Variants in DNAJB11 observed in about 807,000 individuals in gnomAD.
DNAJB11 encodes DnaJ heat shock protein family (Hsp40) member B11.
Under a neutral mutation model 47.2 loss-of-function variants are expected in DNAJB11, and 30 were observed. The ratio of observed to expected loss-of-function variants is 0.64; its 90% confidence interval spans 0.48 to 0.86. The LOEUF (loss-of-function observed/expected upper bound fraction) is 0.86, where lower values mean the gene tolerates loss of function less well. DNAJB11 is among the 40% of genes least tolerant of loss of function. The pLI, the probability that DNAJB11 is intolerant of heterozygous loss-of-function variation, is 0.00. For synonymous variants in DNAJB11, 151 were observed against 159.9 expected, an observed-to-expected ratio of 0.94 and a Z score of 0.42; for missense variants, 357 against 440.2, an observed-to-expected ratio of 0.81 and a Z score of 1.69.
At chr3:186,578,791 T>A (rs1715385697) in intron 4 of DNAJB11, 1 of 152,398 alleles carries the variant, frequency 6.6e-6, no homozygotes. Context: ...GCTATCTGTT[T>A]GTAACTTGTC....
At chr3:186,580,297 C>T (rs1715440468) in intron 4 of DNAJB11, 1 of 152,072 alleles carries the variant, frequency 6.6e-6, no homozygotes, top group Admixed American at 6.5e-5. Flanking sequence ...TGTTTTCAAT[C>T]CTGCTCCTTC....
chr3:186,584,550 G>A lies in DNAJB11; in HGVS notation c.973G>A (p.Asp325Asn). 2 of 1,597,306 alleles carry A rather than the reference G, an allele frequency of 1.3e-6. No homozygotes were observed. Among genetic ancestry groups the A allele is most frequent in the Non-Finnish European group, 1.7e-6 (2 of 1,174,702 alleles). The change falls in exon 9 of 10, where the codon GAT becomes AAT. Residue 325 changes from aspartate (D) to asparagine (N), a missense_variant. Asp to Asn is a conservative substitution (Grantham distance 23). Coordinates refer to ENST00000265028, the MANE Select transcript of DNAJB11 (RefSeq NM_016306.6). Reference sequence around the variant, plus strand: ...CTCTTTGATAATCACTTTTGATGTGGATTTTCCAAAAGAACAGTTAACAGA... The same window carrying A: ...CTCTTTGATAATCACTTTTGATGTGAATTTTCCAAAAGAACAGTTAACAGA... ...KGSLIITFDV[D>N]FPKEQLTEEA...
intron 1 of DNAJB11, 72 bp downstream of exon 1, chr3:186,571,037 G>GGGGGGGGGGGC: frequency 2.1e-6 from 2 of 940,408 alleles, no homozygotes; most frequent in Non-Finnish European, 1.6e-6. Flanking sequence ...GGGGGTGGGG[G>GGGGGGGGGGGC]AAGTGGCATT....
intron 3 of DNAJB11, 85 bp from the exon 4 acceptor site, chr3:186,577,583 T>G (rs1435878609): frequency 7.8e-6 from 10 of 1,288,794 alleles, no homozygotes; most frequent in Non-Finnish European, 1.1e-5. Flanking sequence ...AACAATAGTT[T>G]ATCAACGTAA....
At chr3:186,575,354 T>TGCGCGCGC (rs368559871) in intron 2 of DNAJB11, among the ~76,000 whole-genome samples, 1 of 129,440 alleles carries the variant, frequency 7.7e-6, no homozygotes, top group African/African-American at 3.0e-5. Flanking sequence ...TCCTAATACA[T>TGCGCGCGC]GCGCGCGCGC....
intron 1 of DNAJB11, among the ~76,000 whole-genome samples, 158 bp downstream of exon 1, chr3:186,571,123 C>A (rs1303920293): frequency 2.0e-5 from 3 of 151,910 alleles, no homozygotes; most frequent in African/African-American, 7.3e-5. Context: ...ATGGGCCAGG[C>A]TAGTGGGGTG....
chr3:186,581,740 A>G (rs916754435), intron 5 of DNAJB11, among the ~76,000 whole-genome samples: 1 of 152,044 alleles, frequency 6.6e-6, no homozygotes, highest in Non-Finnish European at 1.5e-5. Flanking sequence ...ATACATTTTC[A>G]ACAAGTATTA....
rs565956231 is a variant in DNAJB11, at chr3:186,574,871, C to T, written c.226-969C>T. 1.9e-3 allele frequency among the ~76,000 whole-genome samples: 296 copies of T among 152,182 alleles called. 2 individuals carry two copies. The highest frequency in any genetic ancestry group is 1.0e-3 in the Non-Finnish European group (70 of 68,014). ...ATAACTCTCTCCTTCAGACTCTTGTCTAAGTAGGAGTTTATAAATATCAAA... is the reference window on the plus strand; with the variant it reads ...ATAACTCTCTCCTTCAGACTCTTGTTTAAGTAGGAGTTTATAAATATCAAA... On this transcript the variant is annotated intron_variant, in intron 2 of 9. Transcript: ENST00000265028.
rs373494855 is a variant in DNAJB11 at position 186,582,818 on chromosome 3, T to C, written c.740+45T>C. ...AGGTCTTCTCAGATGAGTCAAATTA[T>C]AGAGACGTAGGTGGCCACCAGAGCA... is the stretch of plus-strand genomic sequence containing the variant. On this transcript the variant is annotated intron_variant, in intron 7 of 9. Coordinates refer to ENST00000265028, the MANE Select transcript of DNAJB11 (RefSeq NM_016306.6). 11 of 1,402,538 alleles carry C rather than the reference T, an allele frequency of 7.8e-6. No individual in the cohort carries two copies. In the African/African-American group the frequency reaches 1.4e-4, roughly 18 times the overall value. 86.9% of individuals were successfully genotyped at this position (1,402,538 alleles called of 1,614,324 possible). A position where few individuals can be genotyped will look rare whatever the true frequency, so the allele number is the denominator to read the frequency against.
intron 1 of DNAJB11, 93 bp downstream of exon 1, chr3:186,571,058 C>G (rs923768347): frequency 8.8e-7 from 1 of 1,140,528 alleles, no homozygotes; most frequent in Non-Finnish European, 1.2e-6. Context: ...GCCAGACTGA[C>G]GGAGTGGAGA....
rs1411309881 is a variant in DNAJB11 at position 186,585,425 on chromosome 3, A to G, written c.*17A>G. On this transcript the variant is annotated 3_prime_UTR_variant, in exon 10 of 10. Transcript: ENST00000265028. ...GGATATTGAGAGTGAATAAAATTGG[A>G]CTTTGTTTAAAATAAGTGAATAAGC... The G allele has an allele frequency of 1.9e-6, 3 of 1,587,102 alleles. No individual in the cohort carries two copies. The highest frequency in any genetic ancestry group is 1.1e-5 in the South Asian group (1 of 87,302).
chr3:186,575,532 T>C (rs1578987479), intron 2 of DNAJB11, among the ~76,000 whole-genome samples: 1 of 152,210 alleles, frequency 6.6e-6, no homozygotes, highest in Admixed American at 6.5e-5. Context: ...CTTAACTCTT[T>C]CCTGTCACCA....
chr3:186,570,945 C>T lies in DNAJB11; in HGVS notation c.48C>T (p.Leu16=). 6.3e-7 allele frequency: 1 copy of T among 1,597,592 alleles called. No homozygotes were observed. The highest frequency in any genetic ancestry group is 8.5e-7 in the Non-Finnish European group (1 of 1,172,408). ...CCTTTTGCCTGTTGCTGCTATACCT[C>T]ATCGGGGCGGTGATTGCCGGGTGAG... ...LSTFCLLLLY[L]IGAVIAGRDF... Residue 16 remains leucine (L), a synonymous_variant, in exon 1 of 10, where the codon CTC becomes CTT. Coordinates refer to ENST00000265028, the MANE Select transcript of DNAJB11 (RefSeq NM_016306.6).
chr3:186,583,501 C>T (rs934079466), intron 7 of DNAJB11, among the ~76,000 whole-genome samples: 4 of 152,174 alleles, frequency 2.6e-5, no homozygotes, highest in Admixed American at 1.3e-4. Flanking sequence ...TCTATTTCCC[C>T]TTCCCTCCAC....
intron 1 of DNAJB11, 57 bp downstream of exon 1, chr3:186,571,022 T>TGGGGTTGGGGGGGGGGG: frequency 4.8e-6 from 1 of 208,314 alleles, no homozygotes; most frequent in Non-Finnish European, 9.4e-6. Context: ...TGCTGGGGGG[T>TGGGGTTGGGGGGGGGGG]GGGAGGGGGT....
At chr3:186,576,936 G>A (rs918016352) in intron 3 of DNAJB11, among the ~76,000 whole-genome samples, 5 of 152,030 alleles carry the variant, frequency 3.3e-5, no homozygotes, top group Admixed American at 6.6e-5. Flanking sequence ...TATCATCTTC[G>A]CTATGCTAAT....
chr3:186,578,548 T>C (rs1046271265), intron 4 of DNAJB11: 2 of 152,232 alleles, frequency 1.3e-5, no homozygotes, highest in Admixed American at 1.3e-4. Flanking sequence ...CTTGGAATTA[T>C]TAGACTTCTT....
intron 4 of DNAJB11, chr3:186,580,852 T>C (rs903609820): frequency 6.6e-6 from 1 of 152,414 alleles, no homozygotes; most frequent in Non-Finnish European, 1.5e-5. Flanking sequence ...TTTCTCTTCC[T>C]ACATGTTAAA....
At chr3:186,584,389 T>G (rs749459963) in intron 8 of DNAJB11, 41 bp from the exon 9 acceptor site, 4 of 1,505,894 alleles carry the variant, frequency 2.7e-6, no homozygotes, top group Admixed American at 5.0e-5. Flanking sequence ...GTACTTCAGA[T>G]GTACCGCTCC....
Sources: gnomAD v4.1 joint callset for allele counts (sites outside exome capture counted in the v4.1 genomes callset) on GRCh38, gnomAD v4.1.1 for gene constraint, MANE v1.5 for transcripts, NCBI Gene and HGNC (gene_info 2026-07-23, HGNC 2026-07-21) for gene names.